L3MBTL4: variants seen among roughly 807,000 people sequenced by gnomAD.
L3MBTL4 encodes lethal(3)malignant brain tumor-like protein 4.
L3MBTL4 carries 70 observed loss-of-function variants against 84.5 expected under a neutral mutation model. The observed-to-expected ratio is 0.83, with a 90% confidence interval of 0.68 to 1.01. The LOEUF is 1.01. L3MBTL4 is among the 50% of genes least tolerant of loss of function. The pLI, the probability that L3MBTL4 is intolerant of heterozygous loss-of-function variation, is 0.00. For synonymous variants in L3MBTL4, 274 were observed against 259.8 expected (o/e 1.05, Z -0.52); for missense variants, 715 against 754.8 (o/e 0.95, Z 0.62).
chr18:6,116,143 A>G (rs539119624), intron 14 of L3MBTL4, among the ~76,000 whole-genome samples: 26 of 152,158 alleles, frequency 1.7e-4, no homozygotes, highest in Non-Finnish European at 3.2e-4. Flanking sequence ...ATCAACACCA[A>G]TAGTGCCGCA....
intron 3 of L3MBTL4, among the ~76,000 whole-genome samples, chr18:6,302,341 T>C (rs1009074266): frequency 1.3e-5 from 2 of 152,220 alleles, no homozygotes; most frequent in African/African-American, 4.8e-5. Context: ...TTTCAGCCTA[T>C]CTGGGTCTAC....
chr18:6,024,731 A>T (rs924431719), intron 16 of L3MBTL4, among the ~76,000 whole-genome samples: 2 of 152,212 alleles, frequency 1.3e-5, no homozygotes, highest in African/African-American at 4.8e-5. Context: ...GACAGGGATA[A>T]ATTCAGCTGC....
At chr18:5,998,963 C>T (rs927344711) in intron 16 of L3MBTL4, among the ~76,000 whole-genome samples, 2 of 152,284 alleles carry the variant, frequency 1.3e-5, no homozygotes, top group South Asian at 4.1e-4. Context: ...AAAATCAAGA[C>T]AAAATGAAAT....
At chr18:6,159,758 TTA>T (rs1392295593) in intron 13 of L3MBTL4, among the ~76,000 whole-genome samples, 1 of 152,112 alleles carries the variant, frequency 6.6e-6, no homozygotes, top group Non-Finnish European at 1.5e-5. Context: ...AACAAACACT[TTA>T]TATATACCCT....
intron 1 of L3MBTL4, among the ~76,000 whole-genome samples, chr18:6,344,663 A>T (rs2052785056): frequency 6.6e-6 from 1 of 152,172 alleles, no homozygotes; most frequent in Non-Finnish European, 1.5e-5. Context: ...ATTTAACAGC[A>T]CATTAAGAGA....
intron 4 of L3MBTL4, among the ~76,000 whole-genome samples, chr18:6,271,429 G>A (rs781089101): frequency 1.4e-4 from 21 of 152,120 alleles, no homozygotes; most frequent in South Asian, 2.1e-4. Flanking sequence ...GCAGAAATTC[G>A]ATCAACAGGC....
At chr18:6,185,224 G>T (rs1452155791) in intron 12 of L3MBTL4, among the ~76,000 whole-genome samples, 2 of 152,224 alleles carry the variant, frequency 1.3e-5, no homozygotes, top group Admixed American at 6.5e-5. Context: ...ACAGAGGGAA[G>T]GCGGAGCCAG....
intron 1 of L3MBTL4, among the ~76,000 whole-genome samples, chr18:6,410,881 A>T (rs2055937790): frequency 6.6e-6 from 1 of 152,172 alleles, no homozygotes; most frequent in Non-Finnish European, 1.5e-5. Context: ...GTGAGCTGAG[A>T]TCAACACAAA....
intron 12 of L3MBTL4, among the ~76,000 whole-genome samples, chr18:6,202,565 G>T (rs2045693498): frequency 1.3e-5 from 2 of 152,078 alleles, no homozygotes; most frequent in Non-Finnish European, 2.9e-5. Flanking sequence ...TTTTATTAGG[G>T]TGGCAATCAA....
chr18:6,236,715 T>A (rs2047230667), intron 10 of L3MBTL4, among the ~76,000 whole-genome samples: 2 of 152,188 alleles, frequency 1.3e-5, no homozygotes, highest in South Asian at 4.1e-4. Flanking sequence ...TATATCAAAA[T>A]CAAAATTTAA....
rs539224903 is a variant in L3MBTL4, at chr18:6,233,207, A to T, written c.784+4757T>A. Among the ~76,000 whole-genome samples, 679 of 151,688 alleles carry T rather than the reference A, an allele frequency of 4.5e-3. 10 individuals carry two copies. Among genetic ancestry groups the T allele is most frequent in the African/African-American group, 0.016 (636 of 40,962 alleles). On this transcript the variant is annotated intron_variant, in intron 10 of 18. Transcript: ENST00000317931. ...AGCTATTTATAACAAACCCACAGCCAATATCATACTGAATGGGCAAAAACT... is the reference window on the plus strand; with the variant it reads ...AGCTATTTATAACAAACCCACAGCCTATATCATACTGAATGGGCAAAAACT...
intron 14 of L3MBTL4, among the ~76,000 whole-genome samples, chr18:6,105,920 C>G (rs984505396): frequency 1.3e-5 from 2 of 152,012 alleles, no homozygotes; most frequent in Admixed American, 1.3e-4. Context: ...AAGATACCAT[C>G]AAAACACAAC....
Position 6,074,580 on chromosome 18 carries a change from G to A in L3MBTL4, c.1444+6301C>T, listed in dbSNP as rs145322974. 1.1e-3 allele frequency among the ~76,000 whole-genome samples: 160 copies of A among 152,312 alleles called. 1 individual carries two copies. The East Asian group carries it at 0.023, about 22-fold the overall frequency. ...GTAAACTAAAGAGCCAGTGCTTTGT[G>A]CAATCAATCACTCGCAGTTAACATA... On this transcript the variant is annotated intron_variant, in intron 16 of 18. Transcript: ENST00000317931.
At chr18:6,109,293 C>A (rs1040151512) in intron 14 of L3MBTL4, among the ~76,000 whole-genome samples, 1 of 152,020 alleles carries the variant, frequency 6.6e-6, no homozygotes, top group African/African-American at 2.4e-5. Context: ...TTTCTGTTTC[C>A]TTCTGATTTT....
At chr18:5,990,986 C>T (rs2053672203) in intron 16 of L3MBTL4, among the ~76,000 whole-genome samples, 1 of 152,170 alleles carries the variant, frequency 6.6e-6, no homozygotes, top group African/African-American at 2.4e-5. Context: ...GATCTCGTCT[C>T]TTGCCCAGTC....
At position 6,311,603 on chromosome 18, in the gene L3MBTL4, C is replaced by A; in HGVS notation, c.23G>T (p.Arg8Met). The A allele has an allele frequency of 1.9e-6, 3 of 1,613,722 alleles. No individual in the cohort carries two copies. The highest frequency in any genetic ancestry group is 2.5e-6 in the Non-Finnish European group (3 of 1,179,836). MKQPNRK[R>M]KLNMDSKERL... ...CTCTTTGGAATCCATATTAAGCTTC[C>A]TTTTCCTGTTGGGCTGTTTCATTGC... The change falls in exon 3 of 19, where the codon AGG becomes ATG. Residue 8 changes from arginine (R) to methionine (M), a missense_variant. Transcript: ENST00000317931.
At chr18:6,149,883 C>T (rs2042816427) in intron 13 of L3MBTL4, among the ~76,000 whole-genome samples, 1 of 152,040 alleles carries the variant, frequency 6.6e-6, no homozygotes. Flanking sequence ...TTCACTCATT[C>T]TCTCTCTCTC....
intron 11 of L3MBTL4, among the ~76,000 whole-genome samples, chr18:6,214,116 T>C (rs946100793): frequency 1.2e-4 from 18 of 152,262 alleles, no homozygotes; most frequent in Non-Finnish European, 8.8e-5. Flanking sequence ...TACTATGATG[T>C]ACTTTAAAGC....
intron 16 of L3MBTL4, among the ~76,000 whole-genome samples, chr18:6,037,140 C>T (rs117453249): frequency 0.013 from 2,029 of 152,106 alleles, 25 homozygotes; most frequent in Non-Finnish European, 0.021. Flanking sequence ...GAGCACAGAT[C>T]CCTGACCTTT....
Sources: gnomAD v4.1 joint callset for allele counts (sites outside exome capture counted in the v4.1 genomes callset) on GRCh38, gnomAD v4.1.1 for gene constraint, MANE v1.5 for transcripts, NCBI Gene and HGNC (gene_info 2026-07-23, HGNC 2026-07-21) for gene names.